Variants in LRRC8A observed in about 807,000 individuals in gnomAD.
LRRC8A encodes leucine rich repeat containing 8 VRAC subunit A.
A neutral mutation model predicts 52.5 loss-of-function variants in LRRC8A; 24 were observed. That is an observed-to-expected ratio of 0.46 (90% confidence interval 0.33 to 0.64). The LOEUF (loss-of-function observed/expected upper bound fraction) is 0.64, where lower values mean the gene tolerates loss of function less well. LRRC8A is among the 30% of genes least tolerant of loss of function. The pLI is 0.02. For missense variants in LRRC8A, 677 were observed against 1,094.7 expected, an observed-to-expected ratio of 0.62 and a Z score of 5.38; for synonymous variants, 492 against 494.2, an observed-to-expected ratio of 1.00 and a Z score of 0.06.
chr9:128,908,208 C>T lies in LRRC8A; in HGVS notation c.1044C>T (p.Leu348=), dbSNP rs776625412. The T allele has an allele frequency of 1.2e-6, 2 of 1,614,096 alleles. No homozygotes were observed. The highest frequency in any genetic ancestry group is 1.1e-5 in the South Asian group (1 of 91,084). Residue 348 remains leucine, a synonymous_variant, in exon 3 of 4, where the codon CTC becomes CTT. Coordinates refer to ENST00000372600, the MANE Select transcript of LRRC8A (RefSeq NM_019594.4). The part of the protein sequence containing the change: ...YTLWWMLRRS[L]KKYSFESIRE... The stretch of plus-strand genomic sequence containing the variant: ...TGTGGTGGATGCTACGGCGCTCCCT[C>T]AAGAAGTACTCGTTTGAGTCGATCC...
rs144812013 is a variant in LRRC8A, at chr9:128,909,112, C to A, written c.1948C>A (p.His650Asn). The change falls in exon 3 of 4, where the codon CAC becomes AAC. Residue 650 changes from histidine (H) to asparagine (N), a missense_variant. By Grantham distance (68) the His-to-Asn change is moderately conservative. Coordinates refer to ENST00000372600, the MANE Select transcript of LRRC8A (RefSeq NM_019594.4). ...CACCTGCCTTAAGCTGTGGTACAAC[C>A]ACATCGCCTACATCCCCATCCAGAT... ...RLTCLKLWYN[H>N]IAYIPIQIGN... The A allele has an allele frequency of 8.7e-6, 14 of 1,614,064 alleles. No individual in the cohort carries two copies. The African/African-American group carries it at 1.7e-4, about 20-fold the overall frequency.
In LRRC8A at chr9:128,902,863, C is replaced by G. The variant is rs190244815; in HGVS notation, c.-8-4294C>G. On this transcript the variant is annotated intron_variant, in intron 2 of 3. Transcript: ENST00000372600. This position sits in a 1 kb window ranked among gnomAD's most constrained non-coding sequence, Gnocchi z 4.1. ...CTGGCATCACTAGGAGGACTGACTT[C>G]TGGCCTGGAGCTGCCAGCCCAGGGC... Among the ~76,000 whole-genome samples, 5 of 152,312 alleles carry G rather than the reference C, an allele frequency of 3.3e-5. No individual in the cohort carries two copies. The East Asian group carries it at 9.6e-4, about 29-fold the overall frequency.
At chr9:128,897,083 G>A (rs1779623340) in intron 2 of LRRC8A, among the ~76,000 whole-genome samples, 1 of 152,108 alleles carries the variant, frequency 6.6e-6, no homozygotes, top group Non-Finnish European at 1.5e-5. Flanking sequence ...TTCCTAGTCT[G>A]TGGCTTCTTT....
At position 128,907,374 on chromosome 9, in the gene LRRC8A, G is replaced by A. The variant is rs763831412; in HGVS notation, c.210G>A (p.Arg70=). 5 of 1,613,414 alleles carry A rather than the reference G, an allele frequency of 3.1e-6. No homozygotes were observed. The highest frequency in any genetic ancestry group is 3.4e-6 in the Non-Finnish European group (4 of 1,179,986). The change falls in exon 3 of 4, where the codon CGG becomes CGA. Residue 70 remains arginine, a synonymous_variant. Transcript: ENST00000372600. The surrounding 1 kb of genome is among the most constrained non-coding windows in gnomAD (Gnocchi z 9.3). ...AGGACTCCTGCAATGATTCGTTCCG[G>A]GGCTGGGCAGCCCCTGGCCCGGAGC... ...VTKDSCNDSF[R]GWAAPGPEPT... is the part of the protein sequence containing the mutation.
chr9:128,899,201 G>A lies in LRRC8A; in HGVS notation c.-8-7956G>A, dbSNP rs1839935104. ...TTCTATACAGGGAAACTGAGGCCCTGGGAGAGAAGCTGTTCCACAGCTCCG... is the reference window on the plus strand; with the variant it reads ...TTCTATACAGGGAAACTGAGGCCCTAGGAGAGAAGCTGTTCCACAGCTCCG... On this transcript the variant is annotated intron_variant, in intron 2 of 3. Coordinates refer to ENST00000372600, the MANE Select transcript of LRRC8A (RefSeq NM_019594.4). This position sits in a 1 kb window ranked among gnomAD's most constrained non-coding sequence, Gnocchi z 4.0. Among the ~76,000 whole-genome samples, 1 of 152,226 alleles carries A rather than the reference G, an allele frequency of 6.6e-6. No homozygotes were observed. The highest frequency in any genetic ancestry group is 2.1e-4 in the South Asian group (1 of 4,832).
intron 2 of LRRC8A, among the ~76,000 whole-genome samples, chr9:128,889,975 G>A (rs570524255): frequency 1.3e-5 from 2 of 151,732 alleles, no homozygotes; most frequent in Non-Finnish European, 2.9e-5. Context: ...GCTAATTTTT[G>A]TATTTTTAGT....
At chr9:128,915,470 G>A (rs916075660) in intron 3 of LRRC8A, among the ~76,000 whole-genome samples, 6 of 152,230 alleles carry the variant, frequency 3.9e-5, no homozygotes, top group Non-Finnish European at 7.4e-5. Context: ...GACTACAGGC[G>A]CCCGGCACCA....
Position 128,908,923 on chromosome 9 carries a change from C to G in LRRC8A, c.1759C>G (p.Leu587Val). 6.2e-7 allele frequency: 1 copy of G among 1,614,054 alleles called. No homozygotes were observed. The highest frequency in any genetic ancestry group is 1.1e-5 in the South Asian group (1 of 91,082). Residue 587 changes from leucine (L) to valine (V), a missense_variant, in exon 3 of 4, where the codon CTC becomes GTC. Physicochemically the swap from Leu to Val is conservative, Grantham distance 32. This residue lies in a region of LRRC8A where 422 missense variants were observed against 741.5 expected (regional missense o/e 0.57). Transcript: ENST00000372600. Reference protein sequence around the residue: ...EGTKLIVLNSLKKMANLTELE... With the variant: ...EGTKLIVLNSVKKMANLTELE... ...CACCAAGCTCATCGTCCTCAACAGC[C>G]TCAAGAAGATGGCGAACCTGACTGA...
chr9:128,897,796 G>A (rs1031843776), intron 2 of LRRC8A, among the ~76,000 whole-genome samples: 7 of 151,568 alleles, frequency 4.6e-5, no homozygotes, highest in South Asian at 2.1e-4. Flanking sequence ...CTCCCACCTC[G>A]GCCTTCCAAA....
chr9:128,910,211 C>T (rs1199206198), intron 3 of LRRC8A, among the ~76,000 whole-genome samples: 3 of 152,198 alleles, frequency 2.0e-5, no homozygotes, highest in African/African-American at 7.2e-5. Context: ...TGCAGGTTTT[C>T]CTGGGCCTCA....
chr9:128,914,042 A>G (rs1840686231), intron 3 of LRRC8A, among the ~76,000 whole-genome samples: 1 of 152,096 alleles, frequency 6.6e-6, no homozygotes, highest in African/African-American at 2.4e-5. Context: ...CCGTCTCTGC[A>G]AACAATACAA....
At position 128,912,307 on chromosome 9, in the gene LRRC8A, C is replaced by T. The variant is rs557391648; in HGVS notation, c.2157+2986C>T. On this transcript the variant is annotated intron_variant, in intron 3 of 3. Transcript: ENST00000372600. Reference sequence around the variant, plus strand: ...CATGGGGATGAAGAAGGCCAAGTAACGAGGCAGTTAGCACAGTGCGTAGGC... The same window carrying T: ...CATGGGGATGAAGAAGGCCAAGTAATGAGGCAGTTAGCACAGTGCGTAGGC... Among the ~76,000 whole-genome samples, 5 of 152,238 alleles carry T rather than the reference C, an allele frequency of 3.3e-5. No individual in the cohort carries two copies. The South Asian group carries it at 1.0e-3, about 32-fold the overall frequency.
chr9:128,882,850 T>G, intron 1 of LRRC8A: 2 of 398,608 alleles, frequency 5.0e-6, no homozygotes, highest in South Asian at 2.6e-4. Context: ...GTCCTGTGCA[T>G]TCAGGTGGGC....
Position 128,902,294 on chromosome 9 carries a change from A to C in LRRC8A, c.-8-4863A>C, listed in dbSNP as rs1184780472. On this transcript the variant is annotated intron_variant, in intron 2 of 3. Transcript: ENST00000372600. The surrounding 1 kb of genome is among the most constrained non-coding windows in gnomAD (Gnocchi z 4.1). The stretch of plus-strand genomic sequence containing the variant: ...GGAGTTGGGGCGGGTGGTCAGAATC[A>C]GACCTGATTGGGACGGTGTTTCCTG... 6.6e-6 allele frequency among the ~76,000 whole-genome samples: 1 copy of C among 152,066 alleles called. No homozygotes were observed. Among genetic ancestry groups the C allele is most frequent in the Non-Finnish European group, 1.5e-5 (1 of 68,004 alleles).
Position 128,899,901 on chromosome 9 carries a change from T to C in LRRC8A, c.-8-7256T>C, listed in dbSNP as rs531178408. Among the ~76,000 whole-genome samples the C allele has an allele frequency of 1.4e-4, 22 of 152,326 alleles. No individual in the cohort carries two copies. The highest frequency in any genetic ancestry group is 5.1e-4 in the African/African-American group (21 of 41,582). On this transcript the variant is annotated intron_variant, in intron 2 of 3. Coordinates refer to ENST00000372600, the MANE Select transcript of LRRC8A (RefSeq NM_019594.4). This position sits in a 1 kb window ranked among gnomAD's most constrained non-coding sequence, Gnocchi z 4.0. The stretch of plus-strand genomic sequence containing the variant: ...AAGATGGTACATTTTCAGTTACATG[T>C]GTTTTATGACAGTCTAAAAAAATTG...
rs1051633178 is a variant in LRRC8A at position 128,892,931 on chromosome 9, CCT to C, written c.-9+6811_-9+6812del. On this transcript the variant is annotated intron_variant, in intron 2 of 3. Transcript: ENST00000372600. This position sits in a 1 kb window ranked among gnomAD's most constrained non-coding sequence, Gnocchi z 5.2. ...TGCTTTCACAAAAGGCTCTCTGTGC[CCT>C]GTTTACCCGCAGCCCGACTGCCTGC... Among the ~76,000 whole-genome samples the C allele has an allele frequency of 1.3e-5, 2 of 152,170 alleles. No homozygotes were observed. The highest frequency in any genetic ancestry group is 4.8e-5 in the African/African-American group (2 of 41,436).
chr9:128,886,776 G>A (rs909439389), intron 2 of LRRC8A, among the ~76,000 whole-genome samples: 2 of 152,214 alleles, frequency 1.3e-5, no homozygotes, highest in Admixed American at 1.3e-4. Context: ...AGGTGGTCCC[G>A]AGTCATAGCT....
chr9:128,916,465 C>A lies in LRRC8A; in HGVS notation c.*94C>A. ...AGCTTCTCCCAGAACTCCCGGACAG[C>A]CAGGACAGCCTCGTGGCTGGGCAGG... On this transcript the variant is annotated 3_prime_UTR_variant, in exon 4 of 4. Coordinates refer to ENST00000372600, the MANE Select transcript of LRRC8A (RefSeq NM_019594.4). The surrounding 1 kb of genome is among the most constrained non-coding windows in gnomAD (Gnocchi z 6.1). The A allele has an allele frequency of 6.9e-7, 1 of 1,444,826 alleles. No homozygotes were observed. Among genetic ancestry groups the A allele is most frequent in the Admixed American group, 2.3e-5 (1 of 42,820 alleles). The allele number at this position is 1,444,826 out of a possible 1,614,324, so 89.5% of individuals were successfully genotyped here.
Position 128,917,077 on chromosome 9 carries a change from T to G in LRRC8A, c.*706T>G, listed in dbSNP as rs1588237479. The G allele has an allele frequency of 6.8e-6, 1 of 148,122 alleles. No individual in the cohort carries two copies. 9.2% of individuals were successfully genotyped at this position (148,122 alleles called of 1,614,324 possible). On this transcript the variant is annotated 3_prime_UTR_variant, in exon 4 of 4. Coordinates refer to ENST00000372600, the MANE Select transcript of LRRC8A (RefSeq NM_019594.4). Reference sequence around the variant, plus strand: ...AACAATTTTTTTAAAAAAAAAGCTTTGAAAATGGATGGTTTGGGTATTAAA... The same window carrying G: ...AACAATTTTTTTAAAAAAAAAGCTTGGAAAATGGATGGTTTGGGTATTAAA...
Sources: gnomAD v4.1 joint callset for allele counts (sites outside exome capture counted in the v4.1 genomes callset) on GRCh38, gnomAD v4.1.1 for gene constraint, gnomAD v4.1.1 regional missense constraint, Gnocchi (gnomAD v3.1) non-coding constraint, MANE v1.5 for transcripts, NCBI Gene and HGNC (gene_info 2026-07-23, HGNC 2026-07-21) for gene names.